The following SYNPO2 variants were observed in gnomAD, a reference collection of about 807,000 sequenced individuals.
SYNPO2 encodes synaptopodin-2.
In SYNPO2, 56 loss-of-function variants were observed where a neutral mutation model predicts 85.0. The observed-to-expected ratio is 0.66, with a 90% CI of 0.53 to 0.82. SYNPO2 has a LOEUF of 0.82. Among genes scored for constraint, SYNPO2 ranks in the 40% least tolerant of loss-of-function variants. SYNPO2 has a pLI of 0.00. For missense variants in SYNPO2, 1,575 were observed against 1,534.2 expected, an observed-to-expected ratio of 1.03 and a Z score of -0.44; for synonymous variants, 602 against 591.1, an observed-to-expected ratio of 1.02 and a Z score of -0.27.
intron 4 of SYNPO2, among the ~76,000 whole-genome samples, chr4:119,054,592 G>C (rs1209528807): frequency 6.6e-6 from 1 of 152,138 alleles, no homozygotes; most frequent in African/African-American, 2.4e-5. Context: ...CTGTCTCTCT[G>C]AAGTCTGGCC....
intron 1 of SYNPO2, among the ~76,000 whole-genome samples, chr4:118,968,688 G>T (rs1205190691): frequency 6.6e-6 from 1 of 152,116 alleles, no homozygotes; most frequent in Non-Finnish European, 1.5e-5. Flanking sequence ...AGGAGTGATG[G>T]GTCTTTTTTC....
intron 1 of SYNPO2, among the ~76,000 whole-genome samples, chr4:118,946,167 GA>G (rs1424875397): frequency 1.3e-5 from 2 of 150,028 alleles, no homozygotes; most frequent in African/African-American, 2.4e-5. Context: ...CAGATTGAAA[GA>G]AAAAAAAAGG....
chr4:118,894,602 A>G lies in SYNPO2; in HGVS notation c.105+5461A>G, dbSNP rs545126698. Among the ~76,000 whole-genome samples, 123 of 151,862 alleles carry G rather than the reference A, an allele frequency of 8.1e-4. 2 individuals are homozygous for G. The highest frequency in any genetic ancestry group is 1.5e-4 in the Non-Finnish European group (10 of 67,954). On this transcript the variant is annotated intron_variant, in intron 1 of 4. Coordinates refer to ENST00000307142, the MANE Select transcript of SYNPO2 (RefSeq NM_133477.3). ...GGGGAACAAAACTGGAGAAAGATGCAGGGGGAAGGAGAGTAGGAGAAAAGG... is the reference window on the plus strand; with the variant it reads ...GGGGAACAAAACTGGAGAAAGATGCGGGGGGAAGGAGAGTAGGAGAAAAGG...
rs190239094 is a variant in SYNPO2, at chr4:119,019,226, A to T, written c.106-4204A>T. On this transcript the variant is annotated intron_variant, in intron 1 of 4. Transcript: ENST00000307142. ...CTAAACCTAAAATGAAAATTAGCAA[A>T]CCAAAACAAAAAGGTGGTAAGCAAT... Among the ~76,000 whole-genome samples the T allele has an allele frequency of 2.4e-4, 36 of 152,288 alleles. No individual in the cohort carries two copies. In the East Asian group the frequency reaches 6.0e-3, roughly 25 times the overall value.
At chr4:118,866,786 C>T (rs1260758588) in intron 1 of SYNPO2, among the ~76,000 whole-genome samples, 2 of 152,142 alleles carry the variant, frequency 1.3e-5, no homozygotes, top group Admixed American at 6.5e-5. Flanking sequence ...GTGCTTGCTC[C>T]CCCTTCTCCT....
At chr4:118,922,282 T>A (rs897265635) in intron 1 of SYNPO2, among the ~76,000 whole-genome samples, 11 of 152,154 alleles carry the variant, frequency 7.2e-5, no homozygotes, top group Admixed American at 6.6e-4. Flanking sequence ...CTAAAGTAGA[T>A]GTACGTCTGC....
In SYNPO2 at chr4:118,915,256, T is replaced by A. The variant is rs76428560; in HGVS notation, c.105+26115T>A. On this transcript the variant is annotated intron_variant, in intron 1 of 4. Coordinates refer to ENST00000307142, the MANE Select transcript of SYNPO2 (RefSeq NM_133477.3). ...AAACAAAAACTAAGATAATACCTGATGTCTGACATTAACGACCTCAACCCC... is the reference window on the plus strand; with the variant it reads ...AAACAAAAACTAAGATAATACCTGAAGTCTGACATTAACGACCTCAACCCC... Among the ~76,000 whole-genome samples the A allele has an allele frequency of 4.9e-3, 747 of 152,250 alleles. 2 individuals carry two copies. Among genetic ancestry groups the A allele is most frequent in the African/African-American group, 0.017 (717 of 41,566 alleles).
intron 1 of SYNPO2, among the ~76,000 whole-genome samples, chr4:118,942,455 G>T (rs1359271827): frequency 6.6e-6 from 1 of 152,106 alleles, no homozygotes; most frequent in Non-Finnish European, 1.5e-5. Flanking sequence ...CATAGTTCGT[G>T]TTTCACCTGG....
chr4:118,906,961 C>T (rs1163971402), intron 1 of SYNPO2, among the ~76,000 whole-genome samples: 1 of 151,824 alleles, frequency 6.6e-6, no homozygotes, highest in Non-Finnish European at 1.5e-5. Context: ...GTGTGTGCCA[C>T]CACACCCAGC....
intron 1 of SYNPO2, among the ~76,000 whole-genome samples, chr4:118,973,250 A>G (rs2149157437): frequency 6.6e-6 from 1 of 152,332 alleles, no homozygotes; most frequent in South Asian, 2.1e-4. Context: ...GGATTCTATT[A>G]TACTATTATT....
intron 1 of SYNPO2, among the ~76,000 whole-genome samples, chr4:118,941,182 A>C (rs1443418005): frequency 6.6e-6 from 1 of 152,156 alleles, no homozygotes; most frequent in African/African-American, 2.4e-5. Context: ...TACCAGACAA[A>C]TCTAGTCAGG....
At chr4:118,895,099 A>G (rs537341462) in intron 1 of SYNPO2, among the ~76,000 whole-genome samples, 7 of 152,298 alleles carry the variant, frequency 4.6e-5, no homozygotes, top group African/African-American at 1.4e-4. Flanking sequence ...ACTGCTTTCA[A>G]CATGATAAAG....
intron 1 of SYNPO2, among the ~76,000 whole-genome samples, chr4:118,956,900 C>T (rs898282876): frequency 5.3e-5 from 8 of 152,002 alleles, no homozygotes; most frequent in Non-Finnish European, 8.8e-5. Context: ...TAAAAATTAG[C>T]CTGGTGTGGT....
chr4:118,976,674 G>T (rs1175504091), intron 1 of SYNPO2, among the ~76,000 whole-genome samples: 1 of 152,020 alleles, frequency 6.6e-6, no homozygotes, highest in African/African-American at 2.4e-5. Context: ...GTTCTCCAAG[G>T]CCCCACCAGA....
intron 1 of SYNPO2, among the ~76,000 whole-genome samples, chr4:118,958,517 G>A (rs190384454): frequency 6.9e-4 from 105 of 152,208 alleles, no homozygotes; most frequent in Middle Eastern, 6.8e-3. Context: ...GTGTTTACCC[G>A]TTGGGATCTT....
chr4:118,983,216 G>T (rs1269412340), intron 1 of SYNPO2, among the ~76,000 whole-genome samples: 1 of 151,890 alleles, frequency 6.6e-6, no homozygotes, highest in Non-Finnish European at 1.5e-5. Context: ...CCAGGATCTT[G>T]TTCCATCAAA....
intron 1 of SYNPO2, among the ~76,000 whole-genome samples, chr4:118,915,174 G>A (rs998826389): frequency 9.2e-5 from 14 of 151,844 alleles, no homozygotes; most frequent in African/African-American, 3.1e-4. Context: ...TTAGTTCATA[G>A]CACACTTCTT....
intron 1 of SYNPO2, among the ~76,000 whole-genome samples, chr4:118,903,592 C>T (rs1732829608): frequency 6.6e-6 from 1 of 152,080 alleles, no homozygotes; most frequent in Non-Finnish European, 1.5e-5. Flanking sequence ...AAAATGTTTG[C>T]AGTATCAGTT....
At chr4:118,891,779 C>A (rs1049724357) in intron 1 of SYNPO2, among the ~76,000 whole-genome samples, 1 of 152,160 alleles carries the variant, frequency 6.6e-6, no homozygotes, top group African/African-American at 2.4e-5. Context: ...GCTGTCAAAT[C>A]AAATGTTCAC....
Sources: allele counts gnomAD v4.1 joint callset (sites outside exome capture counted in the v4.1 genomes callset), GRCh38; gene constraint gnomAD v4.1.1; transcripts MANE v1.5; gene names NCBI Gene and HGNC (gene_info 2026-07-23, HGNC 2026-07-21).